The following COL22A1 variants were observed in gnomAD, a reference collection of about 807,000 sequenced individuals.
COL22A1 encodes collagen type XXII alpha 1 chain.
Under a neutral mutation model 248.9 loss-of-function variants are expected in COL22A1, and 221 were observed. That is an observed-to-expected ratio of 0.89 (90% CI 0.80 to 0.99). The LOEUF (loss-of-function observed/expected upper bound fraction) is 0.99. Among genes scored for constraint, COL22A1 ranks in the 50% least tolerant of loss-of-function variants. The pLI, the probability that COL22A1 is intolerant of heterozygous loss-of-function variation, is 0.00. For missense variants in COL22A1, 2,240 were observed against 2,179.0 expected (o/e 1.03, Z -0.56); for synonymous variants, 891 against 793.4 (o/e 1.12, Z -2.07).
Position 138,649,773 on chromosome 8 carries a change from C to T in COL22A1, c.3339G>A (p.Val1113=). ...PGDINLLAKD[V]CNDCPPGPPG... ...GGGGGCCAGGAGGGCAGTCATTGCA[C>T]ACATCCTGAGAGTGGGGAGAGAGGT... Residue 1113 remains valine, a synonymous_variant, in exon 46 of 65, where the codon GTG becomes GTA. Transcript: ENST00000303045. 1.3e-6 allele frequency: 2 copies of T among 1,586,924 alleles called. No homozygotes were observed. Among genetic ancestry groups the T allele is most frequent in the Non-Finnish European group, 1.7e-6 (2 of 1,167,532 alleles).
At chr8:138,664,678 T>C (rs1166291853) in intron 41 of COL22A1, among the ~76,000 whole-genome samples, 1 of 152,214 alleles carries the variant, frequency 6.6e-6, no homozygotes, top group Non-Finnish European at 1.5e-5. Flanking sequence ...ATGAGGTGGC[T>C]GTGGAGTCTG....
chr8:138,881,109 T>C (rs867284844), intron 2 of COL22A1, among the ~76,000 whole-genome samples: 1 of 152,208 alleles, frequency 6.6e-6, no homozygotes, highest in Non-Finnish European at 1.5e-5. Flanking sequence ...CCCACCATTT[T>C]CTACTATGAA....
At position 138,623,784 on chromosome 8, in the gene COL22A1, C is replaced by G; in HGVS notation, c.3719G>C (p.Gly1240Ala). The change falls in exon 52 of 65, where the codon GGA becomes GCA. Residue 1240 changes from glycine (G) to alanine (A), a missense_variant and splice_region_variant. Gly to Ala is a moderately conservative substitution (Grantham distance 60, BLOSUM62 0). Transcript: ENST00000303045. ...QGPSGLPGIP[G>A]EEGKEGRDGK... ...ATCTCTGCCCTCTTTGCCTTCTTCTCCCTGCAAGAGAAACTCAAATTGGTT... is the reference window on the plus strand; with the variant it reads ...ATCTCTGCCCTCTTTGCCTTCTTCTGCCTGCAAGAGAAACTCAAATTGGTT... 1.2e-6 allele frequency: 2 copies of G among 1,612,608 alleles called. No homozygotes were observed. The highest frequency in any genetic ancestry group is 1.7e-6 in the Non-Finnish European group (2 of 1,179,380).
At chr8:138,748,973 C>T (rs1465483093) in intron 22 of COL22A1, among the ~76,000 whole-genome samples, 1 of 152,130 alleles carries the variant, frequency 6.6e-6, no homozygotes, top group African/African-American at 2.4e-5. Context: ...GCAGTTTCCC[C>T]CATACTATTC....
intron 18 of COL22A1, among the ~76,000 whole-genome samples, chr8:138,757,072 C>T (rs1833067541): frequency 6.6e-6 from 1 of 152,206 alleles, no homozygotes; most frequent in Admixed American, 6.5e-5. Flanking sequence ...CATATTCTCA[C>T]ACACATGTGC....
chr8:138,854,204 C>G (rs945029775), intron 3 of COL22A1, among the ~76,000 whole-genome samples: 2 of 152,120 alleles, frequency 1.3e-5, no homozygotes, highest in Non-Finnish European at 2.9e-5. Flanking sequence ...GATCATTAGG[C>G]TGATGGCCTC....
chr8:138,881,271 T>C (rs577438173), intron 2 of COL22A1, among the ~76,000 whole-genome samples: 36 of 143,288 alleles, frequency 2.5e-4, no homozygotes, highest in Admixed American at 9.5e-4. Flanking sequence ...TTACTGTCTT[T>C]CCAGCTAGCC....
chr8:138,859,478 C>T (rs1822290690), intron 3 of COL22A1, among the ~76,000 whole-genome samples: 3 of 152,196 alleles, frequency 2.0e-5, no homozygotes. Context: ...CTGGTGCATC[C>T]CTGAGGCAGC....
In COL22A1 at chr8:138,683,396, T is replaced by C. The variant is rs533771599; in HGVS notation, c.3012+1029A>G. Among the ~76,000 whole-genome samples the C allele has an allele frequency of 1.1e-4, 17 of 152,328 alleles. 2 individuals carry two copies. The South Asian group carries it at 3.5e-3, about 32-fold the overall frequency. On this transcript the variant is annotated intron_variant, in intron 39 of 64. Transcript: ENST00000303045. ...CTCAGGAAATTTCTCCTAAGAACAC[T>C]TCCCCATGAAAAAGGTCATAGTTTC...
intron 1 of COL22A1, among the ~76,000 whole-genome samples, chr8:138,888,776 C>T (rs930941355): frequency 6.6e-6 from 1 of 152,182 alleles, no homozygotes; most frequent in African/African-American, 2.4e-5. Flanking sequence ...CAGAGCTGAT[C>T]GCCCAGCCCT....
At position 138,726,498 on chromosome 8, in the gene COL22A1, C is replaced by CAAAAAAAAAAAAAAAA. The variant is rs371982028; in HGVS notation, c.2140-1059_2140-1058insTTTTTTTTTTTTTTTT. Among the ~76,000 whole-genome samples, 163 of 95,566 alleles carry CAAAAAAAAAAAAAAAA rather than the reference C, an allele frequency of 1.7e-3. 3 individuals are homozygous for CAAAAAAAAAAAAAAAA. The highest frequency in any genetic ancestry group is 5.8e-3 in the Middle Eastern group (1 of 172). 62.7% of individuals were successfully genotyped at this position (95,566 alleles called of 152,430 possible). A position where few individuals can be genotyped will look rare whatever the true frequency, so the allele number is the denominator to read the frequency against. ...GGTGCAGAGCAATATCCTGTATCTA[C>CAAAAAAAAAAAAAAAA]AAAAAAAAAAAAAAAGAAAGAAAAA... On this transcript the variant is annotated intron_variant, in intron 23 of 64. Transcript: ENST00000303045.
Position 138,591,441 on chromosome 8 carries a change from C to A in COL22A1, c.4676G>T (p.Gly1559Val), listed in dbSNP as rs1342778295. The A allele has an allele frequency of 6.3e-7, 1 of 1,580,846 alleles. No individual in the cohort carries two copies. Among genetic ancestry groups the A allele is most frequent in the Non-Finnish European group, 8.6e-7 (1 of 1,163,412 alleles). The change falls in exon 64 of 65, where the codon GGA (glycine) becomes GTA (valine). Residue 1559 changes from glycine (G) to valine (V), a missense_variant. Transcript: ENST00000303045. ...APGVGLRGEM[G>V]PPGIPGQPGE... The stretch of plus-strand genomic sequence containing the variant: ...AGTCATACCTGGGATTCCAGGGGGT[C>A]CCATCTCGCCTCGGAGGCCAACTCC...
chr8:138,624,918 TGGGGACTCAA>T (rs1187262949), intron 51 of COL22A1, among the ~76,000 whole-genome samples: 2 of 152,166 alleles, frequency 1.3e-5, no homozygotes, highest in African/African-American at 4.8e-5. Context: ...TCACTATGTG[TGGGGACTCAA>T]GGCTAAACAA....
chr8:138,649,535 C>A, intron 46 of COL22A1, 130 bp downstream of exon 46: 1 of 1,465,214 alleles, frequency 6.8e-7, no homozygotes, highest in African/African-American at 1.4e-5. Context: ...ACCCAGTACT[C>A]CTCATCTATC....
chr8:138,904,345 C>A (rs1438287288), intron 1 of COL22A1, among the ~76,000 whole-genome samples: 1 of 152,078 alleles, frequency 6.6e-6, no homozygotes, highest in Admixed American at 6.6e-5. Flanking sequence ...ACCCCACACA[C>A]ACACCCTTAC....
At chr8:138,858,334 G>T (rs1159730341) in intron 3 of COL22A1, among the ~76,000 whole-genome samples, 1 of 152,054 alleles carries the variant, frequency 6.6e-6, no homozygotes, top group Non-Finnish European at 1.5e-5. Context: ...CGGTCCTACT[G>T]GAATTTTTTT....
In COL22A1 at chr8:138,780,890, C is replaced by T. The variant is rs779834676; in HGVS notation, c.1650+37G>A. 25 of 1,578,632 alleles carry T rather than the reference C, an allele frequency of 1.6e-5. No homozygotes were observed. In the South Asian group the frequency reaches 2.3e-4, roughly 15 times the overall value. On this transcript the variant is annotated intron_variant, in intron 13 of 64. Transcript: ENST00000303045. Reference sequence around the variant, plus strand: ...TGACCAGGAGATCACCAGCCTAGTACTGCCTTGTGAGCCAGGGCAGACGGA... The same window carrying T: ...TGACCAGGAGATCACCAGCCTAGTATTGCCTTGTGAGCCAGGGCAGACGGA...
chr8:138,594,952 C>T (rs894672417), intron 62 of COL22A1, among the ~76,000 whole-genome samples: 6 of 152,106 alleles, frequency 3.9e-5, no homozygotes, highest in Admixed American at 3.3e-4. Context: ...TTAAAAAACC[C>T]AGAGGTCCAG....
At chr8:138,705,341 A>C (rs1466006764) in intron 30 of COL22A1, among the ~76,000 whole-genome samples, 5 of 152,306 alleles carry the variant, frequency 3.3e-5, no homozygotes, top group African/African-American at 1.2e-4. Flanking sequence ...CAGATTCACC[A>C]AAGTTGAAAT....
Sources: allele counts gnomAD v4.1 joint callset (sites outside exome capture counted in the v4.1 genomes callset), GRCh38; gene constraint gnomAD v4.1.1; transcripts MANE v1.5; gene names NCBI Gene and HGNC (gene_info 2026-07-23, HGNC 2026-07-21).